PPP2R2C: variants seen among roughly 807,000 people sequenced by gnomAD.
PPP2R2C encodes the protein protein phosphatase 2, regulatory subunit B, gamma.
A neutral mutation model predicts 45.3 loss-of-function variants in PPP2R2C; 10 were observed. The observed-to-expected ratio is 0.22, with a 90% CI of 0.14 to 0.37. The LOEUF is 0.37. Ranked by LOEUF, PPP2R2C falls within the 10% of genes least tolerant of loss-of-function variation. The probability of loss-of-function intolerance (pLI) is 1.00; values close to 1 mark genes in which losing one functional copy is unlikely to be tolerated. For missense variants in PPP2R2C, 308 were observed against 619.7 expected, an observed-to-expected ratio of 0.50 and a Z score of 5.34; for synonymous variants, 257 against 245.4, an observed-to-expected ratio of 1.05 and a Z score of -0.44.
At chr4:6,389,785 A>C (rs76574830) in intron 1 of PPP2R2C, among the ~76,000 whole-genome samples, 4,195 of 152,210 alleles carry the variant, frequency 0.028, 82 homozygotes, top group East Asian at 0.081. Flanking sequence ...TATCACCCCC[A>C]TTGCACAGAT....
chr4:6,431,140 C>A (rs1192757111), intron 1 of PPP2R2C, among the ~76,000 whole-genome samples: 1 of 152,174 alleles, frequency 6.6e-6, no homozygotes, highest in Non-Finnish European at 1.5e-5. Flanking sequence ...AGGGGACGAG[C>A]CGCCTGAGGA....
chr4:6,499,347 C>A (rs988162612), intron 2 of PPP2R2C, among the ~76,000 whole-genome samples: 1 of 152,114 alleles, frequency 6.6e-6, no homozygotes, highest in Non-Finnish European at 1.5e-5. Context: ...CGCAACCCTG[C>A]CCCCTTCAGC....
chr4:6,416,069 G>C (rs1403888796), intron 1 of PPP2R2C, among the ~76,000 whole-genome samples: 2 of 139,842 alleles, frequency 1.4e-5, no homozygotes, highest in African/African-American at 5.2e-5. Flanking sequence ...CTTTCTATTT[G>C]GATTTCTCAT....
At chr4:6,406,973 G>A (rs1341610654) in intron 1 of PPP2R2C, among the ~76,000 whole-genome samples, 1 of 152,124 alleles carries the variant, frequency 6.6e-6, no homozygotes, top group East Asian at 1.9e-4. Flanking sequence ...GAGAAGACAT[G>A]GGGGAAAGAG....
intron 1 of PPP2R2C, among the ~76,000 whole-genome samples, chr4:6,400,051 C>T (rs1717310982): frequency 1.3e-5 from 2 of 152,226 alleles, no homozygotes; most frequent in South Asian, 4.1e-4. Context: ...GAAATGTTTT[C>T]TCTTTTGTCT....
chr4:6,400,402 T>G (rs901353379), intron 1 of PPP2R2C, among the ~76,000 whole-genome samples: 3 of 152,244 alleles, frequency 2.0e-5, no homozygotes, highest in African/African-American at 7.2e-5. Context: ...TTTTTATTTT[T>G]CAATGAATTC....
At chr4:6,350,796 T>G in intron 5 of PPP2R2C, 2 of 985,414 alleles carry the variant, frequency 2.0e-6, no homozygotes, top group South Asian at 9.4e-5. Flanking sequence ...GCACGTGGTC[T>G]GCTGTGACAC....
At position 6,389,362 on chromosome 4, in the gene PPP2R2C, C is replaced by A. The variant is rs185997888; in HGVS notation, c.71-8268G>T. Among the ~76,000 whole-genome samples, 6 of 152,316 alleles carry A rather than the reference C, an allele frequency of 3.9e-5. No homozygotes were observed. The East Asian group carries it at 1.2e-3, about 29-fold the overall frequency. ...GCTGCTGACACCATTAATGATCCAT[C>A]AGGGCTCAGGGCAGAGAGGGGGCCT... is the stretch of plus-strand genomic sequence containing the variant. On this transcript the variant is annotated intron_variant, in intron 1 of 8. Coordinates refer to ENST00000382599, the MANE Select transcript of PPP2R2C (RefSeq NM_020416.4).
chr4:6,474,592 C>T (rs1413734638), upstream of PPP2R2C, among the ~76,000 whole-genome samples: 3 of 152,138 alleles, frequency 2.0e-5, no homozygotes, highest in Non-Finnish European at 2.9e-5. Flanking sequence ...TGAAAACAGC[C>T]CCACTCTGGC....
chr4:6,349,233 T>C (rs1712305165), intron 5 of PPP2R2C: 4 of 985,394 alleles, frequency 4.1e-6, no homozygotes, highest in Non-Finnish European at 4.8e-6. Flanking sequence ...CACGGTCTGT[T>C]CCCTCTGACT....
chr4:6,498,037 C>T (rs551570227), intron 2 of PPP2R2C, among the ~76,000 whole-genome samples: 6 of 152,328 alleles, frequency 3.9e-5, no homozygotes, highest in African/African-American at 9.6e-5. Context: ...GTAAAGCTGA[C>T]GTGCACACCC....
intron 1 of PPP2R2C, chr4:6,383,841 T>C (rs1166372968): frequency 2.0e-6 from 2 of 991,850 alleles, no homozygotes; most frequent in Admixed American, 5.9e-5. Context: ...ATCCAAGAAA[T>C]GCCTTTTCTT....
At chr4:6,527,996 T>C (rs1439861686) in intron 2 of PPP2R2C, among the ~76,000 whole-genome samples, 1 of 152,140 alleles carries the variant, frequency 6.6e-6, no homozygotes, top group East Asian at 1.9e-4. Context: ...GCAACTCCAC[T>C]TATAGAACAC....
At chr4:6,386,005 A>G (rs1716180091) in intron 1 of PPP2R2C, among the ~76,000 whole-genome samples, 1 of 152,120 alleles carries the variant, frequency 6.6e-6, no homozygotes, top group African/African-American at 2.4e-5. Flanking sequence ...ATTAACTCAC[A>G]TTTCTTAAGT....
At chr4:6,509,274 T>C (rs1156828985) in intron 2 of PPP2R2C, among the ~76,000 whole-genome samples, 1 of 152,220 alleles carries the variant, frequency 6.6e-6, no homozygotes, top group Admixed American at 6.5e-5. Context: ...TCTGAAAGCC[T>C]TGCCTGGCAG....
chr4:6,530,567 C>T (rs563839056), intron 2 of PPP2R2C, among the ~76,000 whole-genome samples: 2 of 152,250 alleles, frequency 1.3e-5, no homozygotes, highest in Admixed American at 6.5e-5. Flanking sequence ...TGAACCTGCC[C>T]GCTGTCCGGG....
intron 1 of PPP2R2C, among the ~76,000 whole-genome samples, chr4:6,438,634 A>G (rs7340835): frequency 0.99 from 150,887 of 152,332 alleles, 74,742 homozygotes; most frequent in Middle Eastern, 1. Context: ...TATTTTTATG[A>G]GTGTCTGGTG....
At position 6,434,359 on chromosome 4, in the gene PPP2R2C, C is replaced by CTTTTTTTTTTTTTTTT. The variant is rs34292067; in HGVS notation, c.70+37785_70+37800dup. On this transcript the variant is annotated intron_variant, in intron 1 of 8. Transcript: ENST00000382599. Reference sequence around the variant, plus strand: ...CACCTGCGTATTTCTTTTTTCTTTTCTTTTTTTTTTTTTTTTGGAGACAGA... The same window carrying CTTTTTTTTTTTTTTTT: ...CACCTGCGTATTTCTTTTTTCTTTTCTTTTTTTTTTTTTTTTTTTTTTTTTTTTTTTTGGAGACAGA... 2.6e-4 allele frequency among the ~76,000 whole-genome samples: 30 copies of CTTTTTTTTTTTTTTTT among 116,106 alleles called. 1 individual carries two copies. Among genetic ancestry groups the CTTTTTTTTTTTTTTTT allele is most frequent in the East Asian group, 7.6e-4 (3 of 3,970 alleles). 76.2% of individuals were successfully genotyped at this position (116,106 alleles called of 152,430 possible).
chr4:6,422,848 A>G (rs937095806), intron 1 of PPP2R2C, among the ~76,000 whole-genome samples: 5 of 152,228 alleles, frequency 3.3e-5, no homozygotes, highest in African/African-American at 9.6e-5. Flanking sequence ...AATTCAGCCC[A>G]TAACAGTAAC....
Sources: allele counts gnomAD v4.1 joint callset (sites outside exome capture counted in the v4.1 genomes callset), GRCh38; gene constraint gnomAD v4.1.1; transcripts MANE v1.5; gene names NCBI Gene and HGNC (gene_info 2026-07-23, HGNC 2026-07-21).